TBC1D22A: variants seen among roughly 807,000 people sequenced by gnomAD.
TBC1D22A encodes putative GTPase activator.
TBC1D22A carries 38 observed loss-of-function variants against 60.2 expected under a neutral mutation model. That is an observed-to-expected ratio of 0.63 (90% confidence interval 0.49 to 0.83). The LOEUF is 0.83. TBC1D22A is among the 40% of genes least tolerant of loss of function. The pLI, the probability that TBC1D22A is intolerant of heterozygous loss-of-function variation, is 0.00. For synonymous variants in TBC1D22A, 302 were observed against 281.7 expected, an observed-to-expected ratio of 1.07 and a Z score of -0.72; for missense variants, 628 against 701.0, an observed-to-expected ratio of 0.90 and a Z score of 1.18.
chr22:46,949,363 G>T (rs2072755838), intron 8 of TBC1D22A, among the ~76,000 whole-genome samples: 1 of 152,230 alleles, frequency 6.6e-6, no homozygotes, highest in Non-Finnish European at 1.5e-5. Context: ...CTATGCCAGA[G>T]AAAGAAGTTG....
At chr22:46,876,344 T>C (rs1287158610) in intron 4 of TBC1D22A, among the ~76,000 whole-genome samples, 1 of 152,232 alleles carries the variant, frequency 6.6e-6, no homozygotes, top group Non-Finnish European at 1.5e-5. Context: ...AACAGTGTAT[T>C]CTATTACAAA....
At chr22:46,884,087 A>G (rs957241145) in intron 5 of TBC1D22A, among the ~76,000 whole-genome samples, 4 of 152,204 alleles carry the variant, frequency 2.6e-5, no homozygotes, top group African/African-American at 9.7e-5. Flanking sequence ...TTGGACGAAC[A>G]TTCCGCCCTC....
At chr22:46,908,898 A>G (rs905747636) in intron 7 of TBC1D22A, among the ~76,000 whole-genome samples, 1 of 152,172 alleles carries the variant, frequency 6.6e-6, no homozygotes, top group Non-Finnish European at 1.5e-5. Flanking sequence ...GTGCTCAGGC[A>G]GAACTCGGTC....
At chr22:46,918,283 G>A (rs1419335591) in intron 8 of TBC1D22A, among the ~76,000 whole-genome samples, 1 of 152,216 alleles carries the variant, frequency 6.6e-6, no homozygotes, top group Non-Finnish European at 1.5e-5. Context: ...ATGGTGCAGG[G>A]TGCAGGGCCG....
chr22:47,038,636 A>C (rs1396225902), intron 11 of TBC1D22A, among the ~76,000 whole-genome samples: 1 of 152,106 alleles, frequency 6.6e-6, no homozygotes, highest in African/African-American at 2.4e-5. Flanking sequence ...TTTGTTCCTG[A>C]CACCGGTTGC....
chr22:47,055,846 G>A (rs1220427737), intron 11 of TBC1D22A, among the ~76,000 whole-genome samples: 1 of 152,184 alleles, frequency 6.6e-6, no homozygotes, highest in Non-Finnish European at 1.5e-5. Context: ...CTGAGTTCCT[G>A]GGCAGTGAGA....
chr22:46,891,755 G>A (rs1319214476), intron 6 of TBC1D22A, among the ~76,000 whole-genome samples: 1 of 152,170 alleles, frequency 6.6e-6, no homozygotes, highest in Non-Finnish European at 1.5e-5. Context: ...AAAGGCCCAG[G>A]CCCAACCACT....
At chr22:47,113,962 G>A (rs2065938828) in intron 12 of TBC1D22A, among the ~76,000 whole-genome samples, 1 of 152,148 alleles carries the variant, frequency 6.6e-6, no homozygotes, top group Non-Finnish European at 1.5e-5. Context: ...CCCATCCAGG[G>A]GCCACTGGCA....
chr22:46,896,125 A>C (rs929817198), intron 7 of TBC1D22A, among the ~76,000 whole-genome samples: 1 of 152,172 alleles, frequency 6.6e-6, no homozygotes, highest in African/African-American at 2.4e-5. Context: ...GGAGTTAAGC[A>C]TCTCTTTGTA....
chr22:46,851,946 G>C (rs945261756), intron 4 of TBC1D22A, among the ~76,000 whole-genome samples: 1 of 152,224 alleles, frequency 6.6e-6, no homozygotes, highest in South Asian at 2.1e-4. Context: ...CCAGTGGCAG[G>C]CTCCTCACAG....
chr22:46,912,580 G>A (rs969620972), intron 8 of TBC1D22A, among the ~76,000 whole-genome samples: 4 of 152,050 alleles, frequency 2.6e-5, no homozygotes, highest in African/African-American at 4.8e-5. Context: ...ATTTTGAGAC[G>A]GAGTGTTGCT....
intron 11 of TBC1D22A, among the ~76,000 whole-genome samples, chr22:47,044,432 AC>A (rs1277649780): frequency 6.6e-6 from 1 of 152,082 alleles, no homozygotes; most frequent in African/African-American, 2.4e-5. Context: ...CAAGTACCGC[AC>A]CTGCTGGGTG....
At chr22:46,791,711 C>T (rs982696003) in intron 1 of TBC1D22A, among the ~76,000 whole-genome samples, 1 of 152,156 alleles carries the variant, frequency 6.6e-6, no homozygotes, top group Admixed American at 6.5e-5. Context: ...TCATTTCCAT[C>T]AGTTTTCCAA....
chr22:46,766,260 G>A (rs926207727), intron 1 of TBC1D22A, among the ~76,000 whole-genome samples: 51 of 152,182 alleles, frequency 3.4e-4, no homozygotes, highest in African/African-American at 1.1e-3. Context: ...GTCTCCCAAC[G>A]TGCTGGGATT....
rs77248207 is a variant in TBC1D22A at position 47,111,469 on chromosome 22, G to A, written c.1330-39G>A. The A allele has an allele frequency of 5.6e-3, 8,919 of 1,580,080 alleles. 275 individuals carry two copies. In the African/African-American group the frequency reaches 0.083, roughly 15 times the overall value. On this transcript the variant is annotated intron_variant, in intron 11 of 12. Transcript: ENST00000337137. ...CCTCGCAGTGATGTTAATGGGTCACGCGTTACAATTTCTCTCTTGGTTATT... is the reference window on the plus strand; with the variant it reads ...CCTCGCAGTGATGTTAATGGGTCACACGTTACAATTTCTCTCTTGGTTATT...
At chr22:46,949,196 CAAAG>C (rs148632401) in intron 8 of TBC1D22A, among the ~76,000 whole-genome samples, 3,887 of 152,290 alleles carry the variant, frequency 0.026, 151 homozygotes, top group African/African-American at 0.088. Context: ...ACCTGACCCT[CAAAG>C]AAGACGCAAC....
chr22:46,996,721 C>G lies in TBC1D22A; in HGVS notation c.1126-913C>G, dbSNP rs181945008. ...CAAAGGGCAGCCTCCATAGGGAATG[C>G]CCTTCCCTTGTTGATGGGAGCTGCC... On this transcript the variant is annotated intron_variant, in intron 9 of 12. Transcript: ENST00000337137. 1.6e-4 allele frequency among the ~76,000 whole-genome samples: 25 copies of G among 152,326 alleles called. No homozygotes were observed. The East Asian group carries it at 4.8e-3, about 29-fold the overall frequency.
At chr22:47,006,244 G>A (rs945690376) in intron 10 of TBC1D22A, among the ~76,000 whole-genome samples, 13 of 152,204 alleles carry the variant, frequency 8.5e-5, no homozygotes, top group Non-Finnish European at 1.5e-4. Flanking sequence ...CAAGGACTTC[G>A]ATTGAGCTAT....
chr22:46,917,395 G>T (rs2070442114), intron 8 of TBC1D22A, among the ~76,000 whole-genome samples: 1 of 152,166 alleles, frequency 6.6e-6, no homozygotes, highest in Non-Finnish European at 1.5e-5. Flanking sequence ...CTGAGAGGAG[G>T]GCCTGGTCCT....
Sources: gnomAD v4.1 joint callset for allele counts (sites outside exome capture counted in the v4.1 genomes callset) on GRCh38, gnomAD v4.1.1 for gene constraint, MANE v1.5 for transcripts, NCBI Gene and HGNC (gene_info 2026-07-23, HGNC 2026-07-21) for gene names.